ASTN1: variants seen among roughly 807,000 people sequenced by gnomAD.
ASTN1 encodes astrotactin 1, also known as astrotactin-1.
ASTN1 carries 41 observed loss-of-function variants against 140.7 expected under a neutral mutation model. That is an observed-to-expected ratio of 0.29 (90% CI 0.23 to 0.38). The LOEUF (loss-of-function observed/expected upper bound fraction) is 0.38. Ranked by LOEUF, ASTN1 falls within the 10% of genes least tolerant of loss-of-function variation. The probability of loss-of-function intolerance (pLI) is 1.00; values close to 1 mark genes in which losing one functional copy is unlikely to be tolerated. For synonymous variants in ASTN1, 640 were observed against 652.2 expected (o/e 0.98, Z 0.29); for missense variants, 1,479 against 1,678.8 (o/e 0.88, Z 2.08).
At chr1:177,103,989 G>T (rs1261240229) in intron 1 of ASTN1, among the ~76,000 whole-genome samples, 6 of 152,184 alleles carry the variant, frequency 3.9e-5, no homozygotes, top group Non-Finnish European at 5.9e-5. Context: ...CTGCTTGGGA[G>T]TTAAAGGGTA....
At chr1:176,970,946 T>C (rs921428123) in intron 8 of ASTN1, among the ~76,000 whole-genome samples, 4 of 152,220 alleles carry the variant, frequency 2.6e-5, no homozygotes, top group African/African-American at 9.6e-5. Flanking sequence ...AAGCACATCC[T>C]TTCAAGCCTG....
At chr1:177,075,662 TTTG>T in intron 1 of ASTN1, among the ~76,000 whole-genome samples, 1 of 147,944 alleles carries the variant, frequency 6.8e-6, no homozygotes, top group African/African-American at 2.5e-5. Flanking sequence ...TTTTTTTTTT[TTTG>T]AGACAAGGTC....
At chr1:177,122,885 C>G (rs1282532078) in intron 1 of ASTN1, among the ~76,000 whole-genome samples, 2 of 152,158 alleles carry the variant, frequency 1.3e-5, no homozygotes, top group Non-Finnish European at 2.9e-5. Context: ...AGATAGTAAG[C>G]TAGGATCAGA....
At chr1:177,149,353 A>G (rs1452230463) in intron 1 of ASTN1, among the ~76,000 whole-genome samples, 1 of 81,446 alleles carries the variant, frequency 1.2e-5, no homozygotes, top group Non-Finnish European at 2.0e-5. Flanking sequence ...TAGTATATAT[A>G]TAGTAAATAT....
chr1:177,009,220 G>T (rs1675160875), intron 8 of ASTN1, among the ~76,000 whole-genome samples: 1 of 152,152 alleles, frequency 6.6e-6, no homozygotes, highest in South Asian at 2.1e-4. Context: ...GTGGACAGGA[G>T]AAGTCAGGAT....
At position 177,121,347 on chromosome 1, in the gene ASTN1, G is replaced by A. The variant is rs114928899; in HGVS notation, c.283+43047C>T. On this transcript the variant is annotated intron_variant, in intron 1 of 22. Transcript: ENST00000361833. ...TGTTTGCTCAGCAGCAAAATGGAAC[G>A]AGGGGCCCTGGGGAACTGTAAGGCA... Among the ~76,000 whole-genome samples, 715 of 152,196 alleles carry A rather than the reference G, an allele frequency of 4.7e-3. 6 individuals are homozygous for A. The highest frequency in any genetic ancestry group is 0.016 in the African/African-American group (684 of 41,532).
At chr1:177,033,179 A>T (rs1215242872) in intron 2 of ASTN1, among the ~76,000 whole-genome samples, 1 of 148,284 alleles carries the variant, frequency 6.7e-6, no homozygotes, top group Non-Finnish European at 1.5e-5. Flanking sequence ...CTGCAAAAAC[A>T]GGGGAGAGCT....
chr1:177,006,696 T>C (rs1675012635), intron 8 of ASTN1, among the ~76,000 whole-genome samples: 1 of 152,050 alleles, frequency 6.6e-6, no homozygotes, highest in Non-Finnish European at 1.5e-5. Flanking sequence ...TTGGAGGAAA[T>C]ATGAGTGTTC....
chr1:176,947,765 A>G (rs1460755855), intron 12 of ASTN1, among the ~76,000 whole-genome samples: 1 of 152,186 alleles, frequency 6.6e-6, no homozygotes, highest in Non-Finnish European at 1.5e-5. Flanking sequence ...CATCTTCCTC[A>G]TTCTCCTGAC....
chr1:177,082,230 G>C (rs753304697), intron 1 of ASTN1, among the ~76,000 whole-genome samples: 1 of 152,156 alleles, frequency 6.6e-6, no homozygotes, highest in Non-Finnish European at 1.5e-5. Flanking sequence ...ATCTACCTAT[G>C]AGTGTGCAGT....
intron 16 of ASTN1, among the ~76,000 whole-genome samples, chr1:176,897,398 C>A (rs1669563604): frequency 6.6e-6 from 1 of 151,896 alleles, no homozygotes; most frequent in African/African-American, 2.4e-5. Flanking sequence ...CAAGTCTTGC[C>A]AGAGGGCTTG....
intron 1 of ASTN1, among the ~76,000 whole-genome samples, chr1:177,148,275 G>T (rs555145030): frequency 6.6e-6 from 1 of 151,932 alleles, no homozygotes; most frequent in African/African-American, 2.4e-5. Context: ...AAAATTAGCC[G>T]GGCGTGGTGG....
chr1:177,025,635 G>C (rs1173738852), intron 5 of ASTN1, among the ~76,000 whole-genome samples: 1 of 152,056 alleles, frequency 6.6e-6, no homozygotes, highest in African/African-American at 2.4e-5. Flanking sequence ...ATTATTGATA[G>C]CAATAAAAGG....
chr1:176,872,605 G>A (rs1210409712), intron 21 of ASTN1, among the ~76,000 whole-genome samples: 1 of 152,116 alleles, frequency 6.6e-6, no homozygotes, highest in African/African-American at 2.4e-5. Flanking sequence ...CTTGCTCACA[G>A]TCCTCCAGGG....
At chr1:177,060,252 G>A (rs1394993273) in intron 2 of ASTN1, among the ~76,000 whole-genome samples, 1 of 152,136 alleles carries the variant, frequency 6.6e-6, no homozygotes, top group East Asian at 1.9e-4. Flanking sequence ...TTTCTAAGTA[G>A]GAGAAGGAAT....
chr1:177,024,798 T>G, intron 5 of ASTN1, 66 bp from the exon 6 acceptor site: 1 of 1,543,716 alleles, frequency 6.5e-7, no homozygotes, highest in Non-Finnish European at 8.9e-7. Flanking sequence ...CCAACTTGGC[T>G]TTTTGCCAAT....
In ASTN1 at chr1:176,862,372, G is replaced by A; in HGVS notation, c.*1912C>T. ...TCATGAGGGTGGGGAGGAGGGCCAT[G>A]TGCAGTGGAACTAGGGGTCCCAAGG... On this transcript the variant is annotated 3_prime_UTR_variant, in exon 23 of 23. Transcript: ENST00000361833. The A allele has an allele frequency of 1.0e-6, 1 of 985,528 alleles. No individual in the cohort carries two copies. The highest frequency in any genetic ancestry group is 1.2e-6 in the Non-Finnish European group (1 of 830,008). 61.0% of individuals were successfully genotyped at this position (985,528 alleles called of 1,614,324 possible).
At chr1:176,977,450 A>G (rs1268496450) in intron 8 of ASTN1, among the ~76,000 whole-genome samples, 1 of 152,204 alleles carries the variant, frequency 6.6e-6, no homozygotes, top group Non-Finnish European at 1.5e-5. Context: ...AGTGTTTATC[A>G]CTCACCTCTG....
At chr1:176,996,460 C>G (rs1342431629) in intron 8 of ASTN1, among the ~76,000 whole-genome samples, 1 of 152,120 alleles carries the variant, frequency 6.6e-6, no homozygotes, top group Non-Finnish European at 1.5e-5. Flanking sequence ...CCTTAGATTA[C>G]CAACTGTAAC....
Sources: allele counts gnomAD v4.1 joint callset (sites outside exome capture counted in the v4.1 genomes callset), GRCh38; gene constraint gnomAD v4.1.1; transcripts MANE v1.5; gene names NCBI Gene and HGNC (gene_info 2026-07-23, HGNC 2026-07-21).